PTPN2: variants seen among roughly 807,000 people sequenced by gnomAD.
The protein encoded by PTPN2 is protein tyrosine phosphatase non-receptor type 2.
In PTPN2, 19 loss-of-function variants were observed where a neutral mutation model predicts 57.3. The observed-to-expected ratio is 0.33, with a 90% CI of 0.23 to 0.49. The LOEUF is 0.49. Among genes scored for constraint, PTPN2 ranks in the 20% least tolerant of loss-of-function variants. PTPN2 has a pLI of 0.99. For synonymous variants in PTPN2, 153 were observed against 164.9 expected, an observed-to-expected ratio of 0.93 and a Z score of 0.55; for missense variants, 358 against 501.1, an observed-to-expected ratio of 0.71 and a Z score of 2.73.
chr18:12,854,002 C>G (rs913237123), intron 2 of PTPN2, among the ~76,000 whole-genome samples: 2 of 151,896 alleles, frequency 1.3e-5, no homozygotes, highest in Non-Finnish European at 2.9e-5. Flanking sequence ...ACTGTAATGA[C>G]GAGGAAAAGC....
chr18:12,865,269 A>G (rs1174634578), intron 1 of PTPN2, among the ~76,000 whole-genome samples: 1 of 151,828 alleles, frequency 6.6e-6, no homozygotes, highest in African/African-American at 2.4e-5. Flanking sequence ...CCCCATCTCT[A>G]TTAAAAAATT....
chr18:12,874,963 G>A (rs1257128813), intron 1 of PTPN2, among the ~76,000 whole-genome samples: 1 of 152,182 alleles, frequency 6.6e-6, no homozygotes, highest in Non-Finnish European at 1.5e-5. Flanking sequence ...TCTGTACTAA[G>A]AAAAATTCTT....
intron 3 of PTPN2, among the ~76,000 whole-genome samples, chr18:12,834,338 AAAAG>A (rs917287431): frequency 9.9e-5 from 15 of 151,592 alleles, no homozygotes; most frequent in African/African-American, 3.1e-4. Context: ...AAAAAAAAAA[AAAAG>A]AAAGTTATTT....
intron 1 of PTPN2, among the ~76,000 whole-genome samples, chr18:12,868,632 T>C (rs895821055): frequency 5.3e-5 from 8 of 151,542 alleles, no homozygotes; most frequent in Middle Eastern, 3.4e-3. Context: ...ACTCTTTCTT[T>C]TTAAAAACTT....
At chr18:12,881,201 G>A (rs1018395027) in intron 1 of PTPN2, among the ~76,000 whole-genome samples, 3 of 152,170 alleles carry the variant, frequency 2.0e-5, no homozygotes, top group African/African-American at 4.8e-5. Context: ...TTGAGAGGCC[G>A]AGGCAGGCGG....
chr18:12,809,173 C>T (rs2041804440), intron 7 of PTPN2, among the ~76,000 whole-genome samples: 1 of 152,150 alleles, frequency 6.6e-6, no homozygotes, highest in African/African-American at 2.4e-5. Flanking sequence ...CAACACAAAC[C>T]AGGATTCGGA....
intron 2 of PTPN2, among the ~76,000 whole-genome samples, chr18:12,845,992 A>G (rs529117152): frequency 6.6e-6 from 1 of 152,314 alleles, no homozygotes; most frequent in South Asian, 2.1e-4. Flanking sequence ...CTGTTCTTTC[A>G]CGGTATTTTT....
chr18:12,791,017 T>C (rs2040970953), downstream of PTPN2, among the ~76,000 whole-genome samples: 1 of 152,238 alleles, frequency 6.6e-6, no homozygotes, highest in African/African-American at 2.4e-5. Context: ...GCTTATTACA[T>C]GTTACTTTTC....
intron 4 of PTPN2, among the ~76,000 whole-genome samples, chr18:12,829,958 C>A (rs989128847): frequency 6.6e-6 from 1 of 152,186 alleles, no homozygotes; most frequent in Non-Finnish European, 1.5e-5. Context: ...CATCTAGGTT[C>A]AACCACCATA....
At chr18:12,828,933 CT>C (rs1487969269) in intron 4 of PTPN2, among the ~76,000 whole-genome samples, 1 of 152,080 alleles carries the variant, frequency 6.6e-6, no homozygotes, top group African/African-American at 2.4e-5. Flanking sequence ...GGGTCTCGCT[CT>C]GTCCCCAGGC....
intron 3 of PTPN2, among the ~76,000 whole-genome samples, chr18:12,832,266 G>A (rs532951182): frequency 4.6e-5 from 7 of 152,154 alleles, no homozygotes; most frequent in South Asian, 2.1e-4. Flanking sequence ...ATAGGCACCC[G>A]CCACCACACC....
chr18:12,807,586 A>AAAAAAAAAAAAAAAATAT, intron 7 of PTPN2, among the ~76,000 whole-genome samples: 3 of 35,198 alleles, frequency 8.5e-5, no homozygotes, highest in African/African-American at 1.4e-4. Flanking sequence ...AAAAAAAAAA[A>AAAAAAAAAAAAAAAATAT]ATATATATAT....
chr18:12,878,712 A>G (rs2044574452), intron 1 of PTPN2, among the ~76,000 whole-genome samples: 1 of 152,188 alleles, frequency 6.6e-6, no homozygotes, highest in African/African-American at 2.4e-5. Flanking sequence ...TCCATTGTTT[A>G]TAAACCCTAA....
intron 2 of PTPN2, among the ~76,000 whole-genome samples, chr18:12,856,421 AAAG>A (rs1025526722): frequency 2.0e-4 from 31 of 152,106 alleles, no homozygotes; most frequent in Admixed American, 1.8e-3. Flanking sequence ...GGGAGGGGGC[AAAG>A]AAGAAGAAGA....
At chr18:12,839,963 C>T (rs1432265942) in intron 2 of PTPN2, among the ~76,000 whole-genome samples, 1 of 151,276 alleles carries the variant, frequency 6.6e-6, no homozygotes, top group Non-Finnish European at 1.5e-5. Flanking sequence ...AAACAACCCA[C>T]AGCTTTCACC....
intron 7 of PTPN2, among the ~76,000 whole-genome samples, chr18:12,806,331 C>G (rs549824329): frequency 6.6e-6 from 1 of 152,178 alleles, no homozygotes; most frequent in Non-Finnish European, 1.5e-5. Flanking sequence ...GGAAAGATAG[C>G]CTATGTTCAT....
intron 8 of PTPN2, among the ~76,000 whole-genome samples, chr18:12,798,691 T>A (rs1304492781): frequency 6.6e-6 from 1 of 152,238 alleles, no homozygotes; most frequent in African/African-American, 2.4e-5. Flanking sequence ...GTCTTTTCTA[T>A]GGTGAATAGT....
chr18:12,881,044 G>C (rs1184132107), intron 1 of PTPN2, among the ~76,000 whole-genome samples: 1 of 152,080 alleles, frequency 6.6e-6, no homozygotes, highest in Non-Finnish European at 1.5e-5. Context: ...AGCTCATCAT[G>C]TCTCTTCAGG....
intron 2 of PTPN2, among the ~76,000 whole-genome samples, chr18:12,849,265 T>C (rs1392382783): frequency 6.6e-6 from 1 of 152,166 alleles, no homozygotes; most frequent in African/African-American, 2.4e-5. Context: ...TGGTGAATTA[T>C]AAAATAATCT....
Sources: allele counts gnomAD v4.1 joint callset (sites outside exome capture counted in the v4.1 genomes callset), GRCh38; gene constraint gnomAD v4.1.1; transcripts MANE v1.5; gene names NCBI Gene and HGNC (gene_info 2026-07-23, HGNC 2026-07-21).